Variants in DPH6 observed in about 807,000 individuals in gnomAD.
DPH6 encodes the protein diphthine--ammonia ligase.
In DPH6, 33 loss-of-function variants were observed where a neutral mutation model predicts 38.2. The observed-to-expected ratio is 0.86, with a 90% confidence interval of 0.65 to 1.15. The LOEUF is 1.15. Among genes scored for constraint, DPH6 ranks in the 50% most tolerant of loss-of-function variants. DPH6 has a pLI of 0.00. For synonymous variants in DPH6, 108 were observed against 103.0 expected (o/e 1.05, Z -0.30); for missense variants, 325 against 320.0 (o/e 1.02, Z -0.12).
intron 3 of DPH6, among the ~76,000 whole-genome samples, chr15:35,268,212 TAAATAAAAG>T (rs2051796943): frequency 1.6e-5 from 2 of 128,306 alleles, no homozygotes; most frequent in Admixed American, 1.6e-4. Flanking sequence ...AATAAATAAA[TAAATAAAAG>T]AAAACTGAAG....
At chr15:35,542,354 A>G in intron 2 of DPH6, 59 bp downstream of exon 2, 12 of 1,382,242 alleles carry the variant, frequency 8.7e-6, no homozygotes, top group Non-Finnish European at 1.2e-5. Flanking sequence ...TGTACAATGT[A>G]ATTATGAAGT....
downstream of DPH6, among the ~76,000 whole-genome samples, chr15:35,326,208 A>C (rs185815265): frequency 5.5e-4 from 84 of 152,230 alleles, no homozygotes; most frequent in African/African-American, 2.0e-3. Context: ...TCTAACATTG[A>C]ACTTTTTCAT....
chr15:35,424,803 A>G (rs1240831644), intron 5 of DPH6, among the ~76,000 whole-genome samples: 1 of 151,676 alleles, frequency 6.6e-6, no homozygotes, highest in African/African-American at 2.4e-5. Flanking sequence ...AAACTGGGAA[A>G]GAATACTATG....
intron 3 of DPH6, among the ~76,000 whole-genome samples, chr15:35,304,280 T>C (rs1036455635): frequency 9.2e-5 from 14 of 152,158 alleles, no homozygotes; most frequent in African/African-American, 3.4e-4. Flanking sequence ...CTACTGCTGA[T>C]TGTAAGCCCA....
intron 3 of DPH6, among the ~76,000 whole-genome samples, chr15:35,321,046 G>C (rs1364942204): frequency 6.6e-6 from 1 of 152,196 alleles, no homozygotes; most frequent in East Asian, 1.9e-4. Flanking sequence ...AACTGGGGAA[G>C]TCACAAATCT....
intron 3 of DPH6, among the ~76,000 whole-genome samples, chr15:35,522,744 A>T (rs2054939883): frequency 6.6e-6 from 1 of 152,022 alleles, no homozygotes; most frequent in Non-Finnish European, 1.5e-5. Context: ...AGAGAAAAAC[A>T]CCGAAAAATT....
chr15:35,487,978 C>T (rs1318239192), intron 3 of DPH6, among the ~76,000 whole-genome samples: 1 of 152,174 alleles, frequency 6.6e-6, no homozygotes, highest in African/African-American at 2.4e-5. Flanking sequence ...TCAATCATCT[C>T]TCTCAAGTTC....
intron 5 of DPH6, among the ~76,000 whole-genome samples, chr15:35,432,323 T>C (rs2053642755): frequency 6.6e-6 from 1 of 152,250 alleles, no homozygotes; most frequent in Non-Finnish European, 1.5e-5. Context: ...TCTTTGGTAG[T>C]GTTTGCTGCA....
In DPH6 at chr15:35,352,363, T is replaced by C. The variant is rs145928131; in HGVS notation, n.207+21158A>G. On this transcript the variant is annotated intron_variant and non_coding_transcript_variant, in intron 3 of 3. Transcript: ENST00000558973. ...GTTACATATGTATACATGTGCCATG[T>C]TGGTGTGCTGCACCCATTAACTCGA... is the stretch of plus-strand genomic sequence containing the variant. Among the ~76,000 whole-genome samples the C allele has an allele frequency of 1.8e-3, 268 of 152,276 alleles. 1 individual carries two copies. Among genetic ancestry groups the C allele is most frequent in the East Asian group, 5.0e-3 (26 of 5,176 alleles).
chr15:35,352,322 C>A (rs1452915716), intron 3 of DPH6, among the ~76,000 whole-genome samples: 1 of 151,480 alleles, frequency 6.6e-6, no homozygotes, highest in African/African-American at 2.4e-5. Context: ...GGTACATGTG[C>A]ACAACGTGCA....
chr15:35,256,479 A>G (rs541921156), intron 3 of DPH6, among the ~76,000 whole-genome samples: 2 of 152,350 alleles, frequency 1.3e-5, no homozygotes, highest in East Asian at 3.9e-4. Flanking sequence ...TAAGTGATAT[A>G]TTTTTATCTT....
chr15:35,184,015 G>A, the DPH6 span, among the ~76,000 whole-genome samples: 1 of 152,204 alleles, frequency 6.6e-6, no homozygotes, highest in East Asian at 1.9e-4. Context: ...TAGACCGTAT[G>A]TCCACGACAG....
intron 3 of DPH6, among the ~76,000 whole-genome samples, chr15:35,517,041 A>T (rs2054857011): frequency 6.6e-6 from 1 of 152,144 alleles, no homozygotes; most frequent in South Asian, 2.1e-4. Flanking sequence ...ATATCAACTC[A>T]TAATAAAGAA....
the DPH6 span, among the ~76,000 whole-genome samples, chr15:35,158,657 A>C: frequency 0.22 from 33,224 of 152,004 alleles, 3,833 homozygotes; most frequent in East Asian, 0.38. Flanking sequence ...ATGTTGGGAA[A>C]GCTATTTTTC....
intron 3 of DPH6, among the ~76,000 whole-genome samples, chr15:35,255,503 G>A (rs1259245389): frequency 6.6e-6 from 1 of 152,164 alleles, no homozygotes; most frequent in Non-Finnish European, 1.5e-5. Flanking sequence ...AATGAACACA[G>A]AGGGTTTTTT....
intron 3 of DPH6, among the ~76,000 whole-genome samples, chr15:35,505,765 G>A (rs1443821): frequency 0.63 from 95,596 of 151,892 alleles, 33,676 homozygotes; most frequent in South Asian, 0.82. Flanking sequence ...AAAAGCAGGA[G>A]TCATCAGTCT....
intron 3 of DPH6, among the ~76,000 whole-genome samples, chr15:35,496,555 C>CAA (rs1180094812): frequency 0.02 from 978 of 49,224 alleles, 108 homozygotes; most frequent in Non-Finnish European, 0.025. Flanking sequence ...AGTTCCATCT[C>CAA]AAAAAAAAAA....
chr15:35,410,699 T>C, intron 6 of DPH6, 136 bp downstream of exon 6: 1 of 684,000 alleles, frequency 1.5e-6, no homozygotes, highest in Non-Finnish European at 2.2e-6. Context: ...ATTTGAAGTT[T>C]AATTTTTTCA....
At chr15:35,432,859 G>T (rs9989305) in intron 5 of DPH6, among the ~76,000 whole-genome samples, 4,141 of 152,222 alleles carry the variant, frequency 0.027, 178 homozygotes, top group African/African-American at 0.095. Flanking sequence ...GCCTACTTGA[G>T]GGTGGAGGTT....
Sources: gnomAD v4.1 joint callset for allele counts (sites outside exome capture counted in the v4.1 genomes callset) on GRCh38, gnomAD v4.1.1 for gene constraint, MANE v1.5 for transcripts, NCBI Gene and HGNC (gene_info 2026-07-23, HGNC 2026-07-21) for gene names.